Variants in PTPRT observed in about 807,000 individuals in gnomAD.
PTPRT encodes the protein receptor-type tyrosine-protein phosphatase T.
A neutral mutation model predicts 176.8 loss-of-function variants in PTPRT; 56 were observed. That is an observed-to-expected ratio of 0.32 (90% CI 0.26 to 0.40). PTPRT has a LOEUF of 0.40. PTPRT is among the 10% of genes least tolerant of loss of function. PTPRT has a pLI of 1.00. For synonymous variants in PTPRT, 783 were observed against 739.0 expected (o/e 1.06, Z -0.96); for missense variants, 1,540 against 1,908.2 (o/e 0.81, Z 3.60).
At chr20:42,127,248 C>T (rs996295110) in intron 19 of PTPRT, among the ~76,000 whole-genome samples, 1 of 152,170 alleles carries the variant, frequency 6.6e-6, no homozygotes, top group African/African-American at 2.4e-5. Context: ...TGGCAGGAGA[C>T]TGGACTATGG....
intron 9 of PTPRT, among the ~76,000 whole-genome samples, chr20:42,363,739 T>C (rs2058474358): frequency 6.6e-6 from 1 of 152,176 alleles, no homozygotes; most frequent in Non-Finnish European, 1.5e-5. Context: ...CTACCGTTAC[T>C]ATTCCCACTT....
intron 1 of PTPRT, among the ~76,000 whole-genome samples, chr20:43,032,060 G>A (rs1986160019): frequency 6.6e-6 from 1 of 152,138 alleles, no homozygotes; most frequent in African/African-American, 2.4e-5. Flanking sequence ...GCATGACTAT[G>A]AGTACCAGGC....
chr20:42,631,977 G>A (rs987371305), intron 7 of PTPRT, among the ~76,000 whole-genome samples: 1 of 152,088 alleles, frequency 6.6e-6, no homozygotes, highest in Non-Finnish European at 1.5e-5. Context: ...TGTGATTTAT[G>A]GTGAATGCCT....
At position 42,117,729 on chromosome 20, in the gene PTPRT, A is replaced by C. The variant is rs180916121; in HGVS notation, c.2982+674T>G. On this transcript the variant is annotated intron_variant, in intron 21 of 30. Coordinates refer to ENST00000373187, the MANE Select transcript of PTPRT (RefSeq NM_007050.6). ...TACGCTGCGGTGGGTAGAAGAGAACATGAGTGAAGAAACAGAGCCACCCTG... is the reference window on the plus strand; with the variant it reads ...TACGCTGCGGTGGGTAGAAGAGAACCTGAGTGAAGAAACAGAGCCACCCTG... 2.2e-4 allele frequency among the ~76,000 whole-genome samples: 33 copies of C among 152,276 alleles called. No homozygotes were observed. The East Asian group carries it at 5.6e-3, about 26-fold the overall frequency.
rs747253114 is a variant in PTPRT at position 42,780,236 on chromosome 20, C to A, written c.550G>T (p.Val184Phe). 3.1e-6 allele frequency: 5 copies of A among 1,613,776 alleles called. No individual in the cohort carries two copies. In the East Asian group the frequency reaches 1.1e-4, roughly 36 times the overall value. ...PGYIAVDEVRVLAHPCRKAPH... is the reference protein window; with the variant it reads ...PGYIAVDEVRFLAHPCRKAPH... The stretch of plus-strand genomic sequence containing the variant: ...GACTTACTGCATGGATGAGCAAGGA[C>A]CCGGACCTCGTCCACGGCGATGTAG... Residue 184 changes from valine to phenylalanine, a missense_variant, in exon 4 of 31, where the codon GTC becomes TTC. Val to Phe is a conservative substitution (Grantham distance 50). This residue lies in a region of PTPRT where 273 missense variants were observed against 432.1 expected (regional missense o/e 0.63). Coordinates refer to ENST00000373187, the MANE Select transcript of PTPRT (RefSeq NM_007050.6).
At chr20:42,442,221 T>C (rs1167603217) in intron 9 of PTPRT, among the ~76,000 whole-genome samples, 1 of 152,218 alleles carries the variant, frequency 6.6e-6, no homozygotes, top group African/African-American at 2.4e-5. Flanking sequence ...CAGGCTTTCG[T>C]TCTGTTCAGA....
At chr20:42,594,290 C>T (rs1013054877) in intron 7 of PTPRT, among the ~76,000 whole-genome samples, 1 of 152,074 alleles carries the variant, frequency 6.6e-6, no homozygotes, top group Non-Finnish European at 1.5e-5. Context: ...TGTCCCACCA[C>T]GACCATTTCT....
chr20:42,909,542 C>G (rs569956312), intron 1 of PTPRT, among the ~76,000 whole-genome samples: 2 of 152,210 alleles, frequency 1.3e-5, no homozygotes, highest in African/African-American at 2.4e-5. Context: ...GCTTAAGCTT[C>G]GTAGCTCCAC....
At chr20:43,035,787 T>G (rs902927856) in intron 1 of PTPRT, among the ~76,000 whole-genome samples, 1 of 152,256 alleles carries the variant, frequency 6.6e-6, no homozygotes, top group Non-Finnish European at 1.5e-5. Flanking sequence ...ATTACTCTTC[T>G]GTGTCAATTT....
chr20:43,038,778 C>T (rs1986486701), intron 1 of PTPRT, among the ~76,000 whole-genome samples: 1 of 152,008 alleles, frequency 6.6e-6, no homozygotes, highest in Non-Finnish European at 1.5e-5. Context: ...GTGCCTAAAA[C>T]CACATCTATT....
intron 16 of PTPRT, among the ~76,000 whole-genome samples, chr20:42,185,763 T>A (rs570456504): frequency 6.6e-6 from 1 of 152,336 alleles, no homozygotes; most frequent in African/African-American, 2.4e-5. Context: ...CATCTACCCA[T>A]CTGTCAACAA....
chr20:43,035,489 G>C (rs1375623892), intron 1 of PTPRT, among the ~76,000 whole-genome samples: 1 of 152,216 alleles, frequency 6.6e-6, no homozygotes. Flanking sequence ...TAAGTTGGAC[G>C]TGGTCAGGGT....
At chr20:42,111,651 AACTT>A (rs200501022) in intron 22 of PTPRT, among the ~76,000 whole-genome samples, 1 of 152,220 alleles carries the variant, frequency 6.6e-6, no homozygotes, top group South Asian at 2.1e-4. Flanking sequence ...TCAACATGCT[AACTT>A]ACTTAATCCT....
At chr20:42,135,906 AC>A (rs1185757279) in intron 18 of PTPRT, among the ~76,000 whole-genome samples, 1 of 152,008 alleles carries the variant, frequency 6.6e-6, no homozygotes, top group Non-Finnish European at 1.5e-5. Flanking sequence ...TGACCTCCAT[AC>A]CCTTCTATGC....
Position 42,187,640 on chromosome 20 carries a change from G to A in PTPRT, c.2491+11600C>T, listed in dbSNP as rs112188001. Among the ~76,000 whole-genome samples, 449 of 152,222 alleles carry A rather than the reference G, an allele frequency of 2.9e-3. 2 individuals are homozygous for A. Among genetic ancestry groups the A allele is most frequent in the African/African-American group, 0.01 (418 of 41,532 alleles). On this transcript the variant is annotated intron_variant, in intron 16 of 30. Coordinates refer to ENST00000373187, the MANE Select transcript of PTPRT (RefSeq NM_007050.6). ...ATAAACCAGACCTCAGGTTCTTGCC[G>A]TAAACTTCTACTTTGAATGTAGAGA...
chr20:42,546,879 C>G (rs2072685000), intron 7 of PTPRT, among the ~76,000 whole-genome samples: 1 of 152,090 alleles, frequency 6.6e-6, no homozygotes, highest in African/African-American at 2.4e-5. Context: ...GTTTGTGCAT[C>G]CCCAAACAAT....
At chr20:43,109,782 G>A (rs2012782088) in intron 1 of PTPRT, among the ~76,000 whole-genome samples, 2 of 152,158 alleles carry the variant, frequency 1.3e-5, no homozygotes, top group Non-Finnish European at 2.9e-5. Flanking sequence ...CCCAAAGTGA[G>A]GAAAGGAGTT....
intron 2 of PTPRT, among the ~76,000 whole-genome samples, chr20:42,873,870 T>G (rs1444491725): frequency 1.3e-5 from 2 of 152,232 alleles, no homozygotes; most frequent in Non-Finnish European, 2.9e-5. Flanking sequence ...ATCTTGTTTT[T>G]ACTAAACTGG....
At chr20:42,591,018 A>C (rs1171223468) in intron 7 of PTPRT, among the ~76,000 whole-genome samples, 5 of 151,132 alleles carry the variant, frequency 3.3e-5, no homozygotes, top group African/African-American at 1.2e-4. Flanking sequence ...AATGCATTGT[A>C]CTGCATGCTA....
Sources: gnomAD v4.1 joint callset for allele counts (sites outside exome capture counted in the v4.1 genomes callset) on GRCh38, gnomAD v4.1.1 for gene constraint, gnomAD v4.1.1 regional missense constraint, MANE v1.5 for transcripts, NCBI Gene and HGNC (gene_info 2026-07-23, HGNC 2026-07-21) for gene names.